Variants in CTTNBP2 observed in about 807,000 individuals in gnomAD.
CTTNBP2 encodes the protein cortactin-binding protein 2.
A neutral mutation model predicts 156.9 loss-of-function variants in CTTNBP2; 108 were observed. That is an observed-to-expected ratio of 0.69 (90% confidence interval 0.59 to 0.81). CTTNBP2 has a LOEUF of 0.81. CTTNBP2 is among the 30% of genes least tolerant of loss of function. The pLI is 0.00. For missense variants in CTTNBP2, 1,924 were observed against 2,035.4 expected, an observed-to-expected ratio of 0.95 and a Z score of 1.05; for synonymous variants, 767 against 751.8, an observed-to-expected ratio of 1.02 and a Z score of -0.33.
chr7:117,802,095 C>T (rs13225724), intron 3 of CTTNBP2, among the ~76,000 whole-genome samples: 1 of 129,522 alleles, frequency 7.7e-6, no homozygotes, highest in African/African-American at 3.0e-5. Flanking sequence ...GTGTGATATT[C>T]CCCTTCATGT....
chr7:117,776,319 A>G (rs1005617248), intron 8 of CTTNBP2, among the ~76,000 whole-genome samples: 6 of 152,072 alleles, frequency 3.9e-5, no homozygotes, highest in Non-Finnish European at 7.3e-5. Context: ...CATAATCTCA[A>G]ATCTTCTTGA....
intron 2 of CTTNBP2, among the ~76,000 whole-genome samples, chr7:117,817,367 T>A (rs866471895): frequency 0.05 from 4,857 of 97,648 alleles, 778 homozygotes; most frequent in African/African-American, 0.11. Flanking sequence ...AAAAAATATA[T>A]ATATATATAT....
chr7:117,811,424 T>C (rs931023507), intron 2 of CTTNBP2, among the ~76,000 whole-genome samples: 1 of 151,966 alleles, frequency 6.6e-6, no homozygotes, highest in South Asian at 2.1e-4. Flanking sequence ...CCTCAGCCTG[T>C]CTTATAGCTG....
intron 2 of CTTNBP2, among the ~76,000 whole-genome samples, chr7:117,842,056 C>T (rs1802306355): frequency 6.6e-6 from 1 of 152,078 alleles, no homozygotes; most frequent in Non-Finnish European, 1.5e-5. Context: ...CTCTTCCAGG[C>T]TTCATGGTAC....
chr7:117,761,568 T>C (rs925723814), intron 9 of CTTNBP2, among the ~76,000 whole-genome samples: 1 of 152,222 alleles, frequency 6.6e-6, no homozygotes, highest in Non-Finnish European at 1.5e-5. Context: ...CTATGAAAAC[T>C]AAGTTGAATC....
At chr7:117,841,099 A>G (rs916780769) in intron 2 of CTTNBP2, among the ~76,000 whole-genome samples, 23 of 152,236 alleles carry the variant, frequency 1.5e-4, no homozygotes, top group Non-Finnish European at 3.1e-4. Flanking sequence ...TTATGGGAAA[A>G]AAGCACTATA....
chr7:117,768,678 G>A (rs781286299), intron 8 of CTTNBP2, among the ~76,000 whole-genome samples: 21 of 151,756 alleles, frequency 1.4e-4, no homozygotes, highest in Non-Finnish European at 1.6e-4. Context: ...GGAGCACTTC[G>A]GAAGCCCCTT....
chr7:117,827,188 T>C (rs1042000852), intron 2 of CTTNBP2, among the ~76,000 whole-genome samples: 1 of 152,204 alleles, frequency 6.6e-6, no homozygotes, highest in African/African-American at 2.4e-5. Context: ...AGCAAGTGTT[T>C]ACAAAATAAG....
intron 20 of CTTNBP2, among the ~76,000 whole-genome samples, chr7:117,720,556 C>G (rs900670426): frequency 1.3e-5 from 2 of 151,926 alleles, no homozygotes; most frequent in Admixed American, 6.6e-5. Flanking sequence ...TAGCCAGGCA[C>G]GGTGGCAGGC....
intron 9 of CTTNBP2, among the ~76,000 whole-genome samples, chr7:117,764,632 T>A (rs1056636832): frequency 2.6e-5 from 4 of 152,234 alleles, no homozygotes; most frequent in African/African-American, 9.6e-5. Flanking sequence ...AACACTTTTT[T>A]AATGTATTTC....
chr7:117,864,977 T>C lies in CTTNBP2; in HGVS notation c.82-3661A>G, dbSNP rs1804067385. On this transcript the variant is annotated intron_variant, in intron 1 of 22. Coordinates refer to ENST00000160373, the MANE Select transcript of CTTNBP2 (RefSeq NM_033427.3). ...TATATATTCATTCAATATATATTCA[T>C]ATATATTCATATATATATGAAGTGG... Among the ~76,000 whole-genome samples, 4 of 147,504 alleles carry C rather than the reference T, an allele frequency of 2.7e-5. No homozygotes were observed. In the South Asian group the frequency reaches 8.4e-4, roughly 31 times the overall value.
chr7:117,837,798 G>A (rs1369863461), intron 2 of CTTNBP2, among the ~76,000 whole-genome samples: 1 of 152,096 alleles, frequency 6.6e-6, no homozygotes, highest in African/African-American at 2.4e-5. Context: ...TTGGATTTTG[G>A]AGAACTTTGA....
chr7:117,718,078 AGAACT>A lies in CTTNBP2; in HGVS notation c.4681_4685del (p.Ser1561TrpfsTer11). The A allele has an allele frequency of 6.2e-7, 1 of 1,613,530 alleles. No individual in the cohort carries two copies. Reference sequence around the variant, plus strand: ...TTGCTGAAAGTACAGGGTTGTTTCCAGAACTATCAAACATCCTTAAATCATCCCTG... The same window carrying A: ...TTGCTGAAAGTACAGGGTTGTTTCCAATCAAACATCCTTAAATCATCCCTG... On this transcript the variant is annotated frameshift_variant, in exon 22 of 23. Coordinates refer to ENST00000160373, the MANE Select transcript of CTTNBP2 (RefSeq NM_033427.3). LOFTEE classifies it high-confidence loss of function.
chr7:117,858,765 T>A (rs1373873483), intron 2 of CTTNBP2, among the ~76,000 whole-genome samples: 1 of 152,232 alleles, frequency 6.6e-6, no homozygotes, highest in East Asian at 1.9e-4. Flanking sequence ...AACTCCTTTT[T>A]ACTTATTAAA....
intron 10 of CTTNBP2, 93 bp downstream of exon 10, chr7:117,760,342 C>G (rs1176090993): frequency 1.6e-6 from 2 of 1,279,396 alleles, no homozygotes; most frequent in African/African-American, 3.0e-5. Context: ...TTTGAATGTG[C>G]TTAATCAATG....
chr7:117,783,484 C>T (rs1341974693), intron 5 of CTTNBP2, among the ~76,000 whole-genome samples: 1 of 152,130 alleles, frequency 6.6e-6, no homozygotes, highest in African/African-American at 2.4e-5. Flanking sequence ...CGAAAGTCAC[C>T]TAACTCAGGA....
intron 3 of CTTNBP2, among the ~76,000 whole-genome samples, chr7:117,805,752 A>G (rs1196730174): frequency 2.6e-5 from 4 of 152,186 alleles, no homozygotes; most frequent in East Asian, 1.9e-4. Flanking sequence ...AAAATTGTTC[A>G]GGTCAGTATA....
intron 18 of CTTNBP2, 42 bp from the exon 19 acceptor site, chr7:117,724,774 TGATTAAA>T: frequency 6.3e-7 from 1 of 1,590,746 alleles, no homozygotes; most frequent in Admixed American, 1.8e-5. Flanking sequence ...GCAGTTTCAC[TGATTAAA>T]GCAAAATACA....
At chr7:117,800,006 A>G in intron 3 of CTTNBP2, among the ~76,000 whole-genome samples, 1 of 152,118 alleles carries the variant, frequency 6.6e-6, no homozygotes. Context: ...AAAGATCTAA[A>G]TAAATGGAGA....
Sources: gnomAD v4.1 joint callset for allele counts (sites outside exome capture counted in the v4.1 genomes callset) on GRCh38, gnomAD v4.1.1 for gene constraint, MANE v1.5 for transcripts, NCBI Gene and HGNC (gene_info 2026-07-23, HGNC 2026-07-21) for gene names.